RALYL: variants seen among roughly 807,000 people sequenced by gnomAD.
RALYL encodes RNA-binding Raly-like protein.
RALYL carries 29 observed loss-of-function variants against 35.1 expected under a neutral mutation model. The ratio of observed to expected loss-of-function variants is 0.83; its 90% confidence interval spans 0.61 to 1.13. RALYL has a LOEUF of 1.13. RALYL is among the 50% of genes most tolerant of loss of function. The pLI, the probability that RALYL is intolerant of heterozygous loss-of-function variation, is 0.00. For missense variants in RALYL, 359 were observed against 360.4 expected (o/e 1.00, Z 0.03); for synonymous variants, 120 against 127.6 (o/e 0.94, Z 0.40).
At chr8:84,882,883 A>G (rs1471681209) in intron 7 of RALYL, among the ~76,000 whole-genome samples, 1 of 152,052 alleles carries the variant, frequency 6.6e-6, no homozygotes, top group Non-Finnish European at 1.5e-5. Context: ...ATTATTCATA[A>G]AAAAAGAACA....
chr8:84,352,215 A>C (rs749534925), intron 1 of RALYL, among the ~76,000 whole-genome samples: 7 of 150,304 alleles, frequency 4.7e-5, no homozygotes, highest in Non-Finnish European at 1.0e-4. Flanking sequence ...TCCATTGCTA[A>C]ATCCAGAGGA....
chr8:84,473,431 AT>A (rs1029896905), intron 1 of RALYL, among the ~76,000 whole-genome samples: 1 of 151,840 alleles, frequency 6.6e-6, no homozygotes, highest in Non-Finnish European at 1.5e-5. Context: ...AAACAAAAAA[AT>A]TGAAAGTGAA....
intron 2 of RALYL, among the ~76,000 whole-genome samples, chr8:84,640,617 A>G (rs1236611522): frequency 6.6e-6 from 1 of 151,954 alleles, no homozygotes; most frequent in Non-Finnish European, 1.5e-5. Flanking sequence ...GACCCTCGAG[A>G]TAAAATGTTT....
At chr8:84,740,467 T>C (rs1321875290) in intron 2 of RALYL, among the ~76,000 whole-genome samples, 3 of 152,080 alleles carry the variant, frequency 2.0e-5, no homozygotes, top group Admixed American at 6.6e-5. Context: ...TTTCCCTTTT[T>C]CCTAATCTTT....
intron 1 of RALYL, among the ~76,000 whole-genome samples, chr8:84,249,420 C>A (rs1188129566): frequency 1.3e-5 from 2 of 152,056 alleles, no homozygotes; most frequent in African/African-American, 4.8e-5. Context: ...CATAGTATAA[C>A]CCTCATTTAA....
At chr8:84,855,422 C>T (rs1404525076) in intron 5 of RALYL, among the ~76,000 whole-genome samples, 1 of 152,230 alleles carries the variant, frequency 6.6e-6, no homozygotes, top group Non-Finnish European at 1.5e-5. Flanking sequence ...AACTTCTTTA[C>T]ACAATGTTCC....
intron 1 of RALYL, among the ~76,000 whole-genome samples, chr8:84,447,160 A>G (rs923781131): frequency 2.6e-5 from 4 of 151,872 alleles, no homozygotes; most frequent in Non-Finnish European, 4.4e-5. Flanking sequence ...TAATTAACAT[A>G]TCCGGGACTG....
intron 7 of RALYL, among the ~76,000 whole-genome samples, chr8:84,876,404 C>A (rs1841151234): frequency 6.6e-6 from 1 of 152,136 alleles, no homozygotes; most frequent in Non-Finnish European, 1.5e-5. Context: ...TTATAGAAAA[C>A]CACAAGTAAC....
chr8:84,749,723 G>A (rs535054546), intron 2 of RALYL, among the ~76,000 whole-genome samples: 24 of 152,228 alleles, frequency 1.6e-4, no homozygotes, highest in Non-Finnish European at 2.9e-4. Flanking sequence ...CTGAGTCTAG[G>A]GAGACAACAC....
At chr8:84,313,735 C>T (rs1376831180) in intron 1 of RALYL, among the ~76,000 whole-genome samples, 1 of 152,148 alleles carries the variant, frequency 6.6e-6, no homozygotes, top group Non-Finnish European at 1.5e-5. Context: ...TCAGTCTGGA[C>T]TTCATTGTCC....
chr8:84,598,517 A>AT (rs1307523754), intron 2 of RALYL, among the ~76,000 whole-genome samples: 5 of 152,142 alleles, frequency 3.3e-5, no homozygotes, highest in South Asian at 4.1e-4. Flanking sequence ...CAAGCTCTGG[A>AT]TTTTGAGCCC....
intron 1 of RALYL, among the ~76,000 whole-genome samples, chr8:84,254,746 G>GAAAAAA (rs10675428): frequency 0.28 from 35,042 of 125,696 alleles, 5,458 homozygotes; most frequent in East Asian, 0.48. Context: ...GGTAATTTAT[G>GAAAAAA]AAAAAAAAAA....
rs191876345 is a variant in RALYL, at chr8:84,451,291, G to C, written c.-23-78008G>C. Reference sequence around the variant, plus strand: ...TTCATAAACATTCATTTTTAGTTCCGTATCCCCACTACTCTAGTGCAGTTA... The same window carrying C: ...TTCATAAACATTCATTTTTAGTTCCCTATCCCCACTACTCTAGTGCAGTTA... On this transcript the variant is annotated intron_variant, in intron 1 of 8. Coordinates refer to ENST00000521268, the MANE Select transcript of RALYL (RefSeq NM_173848.7). 6.4e-3 allele frequency among the ~76,000 whole-genome samples: 968 copies of C among 151,786 alleles called. 7 individuals are homozygous for C. The highest frequency in any genetic ancestry group is 0.022 in the South Asian group (108 of 4,810).
At chr8:84,679,449 T>C in intron 2 of RALYL, 1 of 299,532 alleles carries the variant, frequency 3.3e-6, no homozygotes, top group Non-Finnish European at 6.7e-6. Context: ...TGCAAGACAC[T>C]CTGTGCTTAG....
intron 7 of RALYL, among the ~76,000 whole-genome samples, chr8:84,886,534 A>G (rs913614598): frequency 1.3e-5 from 2 of 152,176 alleles, no homozygotes; most frequent in African/African-American, 4.8e-5. Flanking sequence ...TCTGATAAAA[A>G]ATAACCCAGC....
intron 2 of RALYL, among the ~76,000 whole-genome samples, chr8:84,648,573 A>G (rs1024334622): frequency 6.6e-6 from 1 of 151,958 alleles, no homozygotes; most frequent in African/African-American, 2.4e-5. Flanking sequence ...TTAACATAAG[A>G]AAAATCTAAA....
intron 8 of RALYL, among the ~76,000 whole-genome samples, chr8:84,914,012 C>T (rs977973575): frequency 1.3e-5 from 2 of 151,926 alleles, no homozygotes; most frequent in Non-Finnish European, 2.9e-5. Flanking sequence ...GACAACCTTT[C>T]CCCCAGCTAT....
intron 1 of RALYL, among the ~76,000 whole-genome samples, chr8:84,185,435 G>A (rs1812283336): frequency 6.6e-6 from 1 of 152,102 alleles, no homozygotes; most frequent in East Asian, 1.9e-4. Context: ...GATATTTTAT[G>A]ATTATCCTGT....
chr8:84,689,154 T>A (rs1837475855), intron 2 of RALYL, among the ~76,000 whole-genome samples: 1 of 152,122 alleles, frequency 6.6e-6, no homozygotes, highest in African/African-American at 2.4e-5. Context: ...TGTATACATG[T>A]GCCATGCTGG....
Sources: gnomAD v4.1 joint callset for allele counts (sites outside exome capture counted in the v4.1 genomes callset) on GRCh38, gnomAD v4.1.1 for gene constraint, MANE v1.5 for transcripts, NCBI Gene and HGNC (gene_info 2026-07-23, HGNC 2026-07-21) for gene names.